Variants in BRINP3 observed in about 807,000 individuals in gnomAD.
The protein encoded by BRINP3 is BMP/retinoic acid inducible neural specific 3, also known as BMP/retinoic acid-inducible neural-specific protein 3.
A neutral mutation model predicts 71.0 loss-of-function variants in BRINP3; 19 were observed. The ratio of observed to expected loss-of-function variants is 0.27; its 90% CI spans 0.19 to 0.39. The LOEUF is 0.39. Among genes scored for constraint, BRINP3 ranks in the 10% least tolerant of loss-of-function variants. The pLI is 1.00. For missense variants in BRINP3, 959 were observed against 940.8 expected (o/e 1.02, Z -0.25); for synonymous variants, 380 against 337.7 (o/e 1.13, Z -1.37).
intron 2 of BRINP3, among the ~76,000 whole-genome samples, chr1:190,288,861 T>A (rs190986215): frequency 1.1e-3 from 164 of 152,052 alleles, no homozygotes; most frequent in African/African-American, 3.0e-3. Flanking sequence ...GTTCCAGGTA[T>A]AGACTAATAA....
At position 190,160,744 on chromosome 1, in the gene BRINP3, G is replaced by T; in HGVS notation, c.1108C>A (p.Gln370Lys). The T allele has an allele frequency of 6.2e-7, 1 of 1,613,524 alleles. No individual in the cohort carries two copies. Among genetic ancestry groups the T allele is most frequent in the Non-Finnish European group, 8.5e-7 (1 of 1,179,686 alleles). ...NSMKQLFLKAQKIVHKLFSLS... is the reference protein window; with the variant it reads ...NSMKQLFLKAKKIVHKLFSLS... ...CTAAAAAGCTTGTGTACAATTTTCTGCGCCTTTAGGAAAAGTTGTTTCATG... is the reference window on the plus strand; with the variant it reads ...CTAAAAAGCTTGTGTACAATTTTCTTCGCCTTTAGGAAAAGTTGTTTCATG... Residue 370 changes from glutamine to lysine, a missense_variant, in exon 7 of 8, where the codon CAG becomes AAG. Gln to Lys is a moderately conservative substitution (Grantham distance 53, BLOSUM62 1). Coordinates refer to ENST00000367462, the MANE Select transcript of BRINP3 (RefSeq NM_199051.3).
chr1:190,281,840 A>G (rs1006404682), intron 2 of BRINP3, 90 bp from the exon 3 acceptor site: 32 of 1,196,350 alleles, frequency 2.7e-5, no homozygotes, highest in Non-Finnish European at 3.4e-5. Flanking sequence ...TCAGTACATT[A>G]CAATGTCTCT....
chr1:190,338,767 T>G (rs1667456895), intron 2 of BRINP3, among the ~76,000 whole-genome samples: 1 of 151,924 alleles, frequency 6.6e-6, no homozygotes, highest in South Asian at 2.1e-4. Context: ...GTTGATCACA[T>G]TTTAATGTAA....
chr1:190,282,183 A>G (rs996659399), intron 2 of BRINP3, among the ~76,000 whole-genome samples: 1 of 151,874 alleles, frequency 6.6e-6, no homozygotes, highest in African/African-American at 2.4e-5. Context: ...GGGAACATAA[A>G]AAACCTCAGG....
intron 2 of BRINP3, among the ~76,000 whole-genome samples, chr1:190,368,991 A>C (rs1669686307): frequency 6.6e-6 from 1 of 152,116 alleles, no homozygotes; most frequent in South Asian, 2.1e-4. Context: ...TTGTTATTAG[A>C]CTGTGAGAAA....
At chr1:190,217,318 C>T (rs1656496881) in intron 6 of BRINP3, among the ~76,000 whole-genome samples, 2 of 151,712 alleles carry the variant, frequency 1.3e-5, no homozygotes, top group Admixed American at 1.3e-4. Flanking sequence ...TGCCTCATTA[C>T]TTCTTATATT....
Position 190,454,767 on chromosome 1 carries a change from T to C in BRINP3, c.124A>G (p.Ser42Gly), listed in dbSNP as rs1675878742. ...VAAVSDQHAT[S>G]PFDWLLSDKG... The stretch of plus-strand genomic sequence containing the variant: ...TCAGAGAGGAGCCAGTCGAAGGGGC[T>C]TGTGGCATGCTGATCCGAAACAGCA... The change falls in exon 2 of 8, where the codon AGC (serine) becomes GGC (glycine). Residue 42 changes from serine (S) to glycine (G), a missense_variant. Transcript: ENST00000367462. 1.2e-6 allele frequency: 2 copies of C among 1,614,200 alleles called. No individual in the cohort carries two copies. The highest frequency in any genetic ancestry group is 2.2e-5 in the East Asian group (1 of 44,874).
intron 1 of BRINP3, among the ~76,000 whole-genome samples, chr1:190,476,579 A>G (rs1306932516): frequency 6.6e-6 from 1 of 152,214 alleles, no homozygotes; most frequent in African/African-American, 2.4e-5. Context: ...GGCACTGACC[A>G]TATTAACATG....
chr1:190,309,151 A>C (rs1477025905), intron 2 of BRINP3, among the ~76,000 whole-genome samples: 3 of 151,178 alleles, frequency 2.0e-5, no homozygotes, highest in Non-Finnish European at 1.5e-5. Context: ...GCATGTGTGA[A>C]TCTTGAGGAC....
chr1:190,099,469 T>C (rs560922006), intron 7 of BRINP3, among the ~76,000 whole-genome samples: 2 of 152,282 alleles, frequency 1.3e-5, no homozygotes, highest in South Asian at 2.1e-4. Flanking sequence ...TGGAAGACCA[T>C]TGTAAATAAA....
intron 2 of BRINP3, among the ~76,000 whole-genome samples, chr1:190,402,353 C>T (rs1229407862): frequency 6.6e-6 from 1 of 151,974 alleles, no homozygotes; most frequent in Non-Finnish European, 1.5e-5. Context: ...CATATATGAA[C>T]ATTAAAATAT....
At chr1:190,197,735 T>G (rs1020943800) in intron 6 of BRINP3, among the ~76,000 whole-genome samples, 6 of 152,132 alleles carry the variant, frequency 3.9e-5, no homozygotes, top group African/African-American at 1.4e-4. Context: ...TCCTTCTGGC[T>G]GATTTCACAG....
chr1:190,228,463 A>T (rs1463840174), intron 5 of BRINP3, among the ~76,000 whole-genome samples: 3 of 151,518 alleles, frequency 2.0e-5, no homozygotes, highest in Non-Finnish European at 4.4e-5. Flanking sequence ...AATCTGTAAG[A>T]CGGTAGTGCT....
At chr1:190,371,876 C>T (rs1359806649) in intron 2 of BRINP3, among the ~76,000 whole-genome samples, 1 of 152,110 alleles carries the variant, frequency 6.6e-6, no homozygotes, top group African/African-American at 2.4e-5. Flanking sequence ...ACATCTCCAC[C>T]TTGGAATATG....
rs1424022516 is a variant in BRINP3 at position 190,154,010 on chromosome 1, C to T, written c.1184+6658G>A. The T allele has an allele frequency of 6.3e-6, 5 of 799,368 alleles. No individual in the cohort carries two copies. The African/African-American group carries it at 9.4e-5, about 15-fold the overall frequency. The allele number at this position is 799,368 out of a possible 1,614,324, so 49.5% of individuals were successfully genotyped here. On this transcript the variant is annotated intron_variant, in intron 7 of 7. Coordinates refer to ENST00000367462, the MANE Select transcript of BRINP3 (RefSeq NM_199051.3). Reference sequence around the variant, plus strand: ...AAATAACAGTACAACATAAACAATCCATGACTTATATGGTGGCCTCAAAGA... The same window carrying T: ...AAATAACAGTACAACATAAACAATCTATGACTTATATGGTGGCCTCAAAGA...
chr1:190,231,228 T>A (rs1657960620), intron 5 of BRINP3, among the ~76,000 whole-genome samples: 1 of 151,784 alleles, frequency 6.6e-6, no homozygotes, highest in South Asian at 2.1e-4. Flanking sequence ...ATTATCTGTC[T>A]TCATTTTTAA....
Position 190,226,004 on chromosome 1 carries a change from T to A in BRINP3, c.961+78A>T, listed in dbSNP as rs1406385614. On this transcript the variant is annotated intron_variant, in intron 6 of 7. Coordinates refer to ENST00000367462, the MANE Select transcript of BRINP3 (RefSeq NM_199051.3). ...ATCTTTCCAACTATGTAATAGTTTC[T>A]TGAAAAAGGACAAATTAGCCATTTC... The A allele has an allele frequency of 3.0e-6, 3 of 994,750 alleles. No homozygotes were observed. In the African/African-American group the frequency reaches 5.0e-5, roughly 16 times the overall value. 61.6% of individuals were successfully genotyped at this position (994,750 alleles called of 1,614,324 possible). A position where few individuals can be genotyped will look rare whatever the true frequency, so the allele number is the denominator to read the frequency against.
chr1:190,187,651 T>A (rs904175848), intron 6 of BRINP3, among the ~76,000 whole-genome samples: 1 of 152,194 alleles, frequency 6.6e-6, no homozygotes, highest in African/African-American at 2.4e-5. Context: ...CTCCATTGTA[T>A]GTTCCTGGCA....
chr1:190,308,193 A>T (rs1456851783), intron 2 of BRINP3, among the ~76,000 whole-genome samples: 1 of 150,182 alleles, frequency 6.7e-6, no homozygotes, highest in African/African-American at 2.5e-5. Flanking sequence ...AAGACATAAG[A>T]ACACTTGTAT....
Sources: allele counts gnomAD v4.1 joint callset (sites outside exome capture counted in the v4.1 genomes callset), GRCh38; gene constraint gnomAD v4.1.1; transcripts MANE v1.5; gene names NCBI Gene and HGNC (gene_info 2026-07-23, HGNC 2026-07-21).